The following SKI variants were observed in gnomAD, a reference collection of about 807,000 sequenced individuals.
SKI encodes SKI proto-oncogene.
A neutral mutation model predicts 59.3 loss-of-function variants in SKI; 23 were observed. The ratio of observed to expected loss-of-function variants is 0.39; its 90% CI spans 0.28 to 0.55. SKI has a LOEUF of 0.55. SKI is among the 20% of genes least tolerant of loss of function. SKI has a pLI of 0.67. For synonymous variants in SKI, 673 were observed against 488.6 expected (o/e 1.38, Z -4.98); for missense variants, 1,017 against 1,038.9 (o/e 0.98, Z 0.29).
intron 1 of SKI, among the ~76,000 whole-genome samples, chr1:2,252,843 C>G (rs1183954744): frequency 6.6e-6 from 1 of 152,052 alleles, no homozygotes; most frequent in Non-Finnish European, 1.5e-5. Context: ...GCCTGTAATC[C>G]CAGCACTTTT....
chr1:2,304,987 C>G (rs921913319), intron 5 of SKI, among the ~76,000 whole-genome samples: 3 of 152,220 alleles, frequency 2.0e-5, no homozygotes, highest in Non-Finnish European at 4.4e-5. Flanking sequence ...TCTGTGTGCT[C>G]CAGGAGTGGG....
At chr1:2,232,815 T>C (rs985843005) in intron 1 of SKI, 1 of 152,334 alleles carries the variant, frequency 6.6e-6, no homozygotes, top group Non-Finnish European at 1.5e-5. Context: ...CTACTGTTTA[T>C]TGATCTTGGA....
intron 5 of SKI, 23 bp from the exon 6 acceptor site, chr1:2,305,997 C>T (rs755202604): frequency 9.1e-6 from 14 of 1,543,372 alleles, no homozygotes; most frequent in Admixed American, 5.9e-5. Context: ...GGGCAGTGAC[C>T]CCGAGCCGCC....
intron 6 of SKI, 130 bp downstream of exon 6, chr1:2,306,380 G>GC (rs1053806138): frequency 6.4e-5 from 66 of 1,038,556 alleles, no homozygotes; most frequent in South Asian, 1.2e-4. Flanking sequence ...TTCCGTGCGT[G>GC]CCCCCCCGAC....
rs964333491 is a variant in SKI, at chr1:2,308,897, C to G, written c.*2132C>G. 6.6e-6 allele frequency: 1 copy of G among 152,368 alleles called. No individual in the cohort carries two copies. Among genetic ancestry groups the G allele is most frequent in the African/African-American group, 2.4e-5 (1 of 41,450 alleles). The allele number at this position is 152,368 out of a possible 1,614,324, so 9.4% of individuals were successfully genotyped here. A position where few individuals can be genotyped will look rare whatever the true frequency, so the allele number is the denominator to read the frequency against. On this transcript the variant is annotated 3_prime_UTR_variant, in exon 7 of 7. Transcript: ENST00000378536. ...TCCACGCCTCCACCGCCCCATCTTG[C>G]CCCAAACGGAAAGCGCTGTATCTGC...
chr1:2,291,401 G>A lies in SKI; in HGVS notation c.970-11577G>A, dbSNP rs144534883. 5.4e-4 allele frequency among the ~76,000 whole-genome samples: 82 copies of A among 152,338 alleles called. No homozygotes were observed. In the East Asian group the frequency reaches 5.4e-3, roughly 10 times the overall value. ...CTGAGTGCAGGGCTCAGGCTGGATG[G>A]GGAGGGTGAGAAGAGTGGGGCCAGA... is the stretch of plus-strand genomic sequence containing the variant. On this transcript the variant is annotated intron_variant, in intron 1 of 6. Transcript: ENST00000378536.
chr1:2,245,501 C>T (rs1638972575), intron 1 of SKI, among the ~76,000 whole-genome samples: 1 of 152,204 alleles, frequency 6.6e-6, no homozygotes, highest in Non-Finnish European at 1.5e-5. Flanking sequence ...GAGACAGCAT[C>T]TTGCTCTGTT....
intron 1 of SKI, among the ~76,000 whole-genome samples, chr1:2,247,087 G>T (rs528615732): frequency 6.6e-6 from 1 of 152,334 alleles, no homozygotes; most frequent in South Asian, 2.1e-4. Flanking sequence ...CAGGTGTGGT[G>T]GCATGCACCT....
At position 2,306,597 on chromosome 1, in the gene SKI, G is replaced by A. The variant is rs1217371188; in HGVS notation, c.2019G>A (p.Lys673=). The A allele has an allele frequency of 1.3e-6, 2 of 1,543,646 alleles. No individual in the cohort carries two copies. The highest frequency in any genetic ancestry group is 2.7e-5 in the African/African-American group (2 of 72,756). ...YSAQIEDLQV[K]LQHAEADREQ... ...TTCAGATCGAAGACCTGCAGGTGAA[G>A]CTGCAGCACGCGGAGGCGGACCGGG... Residue 673 remains lysine, a synonymous_variant, in exon 7 of 7, where the codon AAG becomes AAA. Transcript: ENST00000378536.
At chr1:2,232,112 C>T (rs796510541) in intron 1 of SKI, among the ~76,000 whole-genome samples, 8 of 152,352 alleles carry the variant, frequency 5.3e-5, no homozygotes, top group African/African-American at 1.7e-4. Context: ...CACTGGCCGC[C>T]GTTGGCTCCT....
At chr1:2,296,566 T>C (rs1027014757) in intron 1 of SKI, among the ~76,000 whole-genome samples, 1 of 152,142 alleles carries the variant, frequency 6.6e-6, no homozygotes, top group African/African-American at 2.4e-5. Flanking sequence ...ATTTGGAAAT[T>C]GGGTTGTGTT....
intron 1 of SKI, among the ~76,000 whole-genome samples, chr1:2,249,628 C>T (rs1639078363): frequency 1.3e-5 from 2 of 152,312 alleles, no homozygotes; most frequent in South Asian, 4.1e-4. Flanking sequence ...GACTCCCCAC[C>T]TGCTGCTGTT....
intron 1 of SKI, among the ~76,000 whole-genome samples, chr1:2,243,934 G>A (rs1638933079): frequency 6.6e-6 from 1 of 152,062 alleles, no homozygotes; most frequent in Admixed American, 6.6e-5. Context: ...TCCCCTAAAA[G>A]GTGGGATTGT....
At chr1:2,279,458 C>T (rs912308707) in intron 1 of SKI, among the ~76,000 whole-genome samples, 2 of 152,212 alleles carry the variant, frequency 1.3e-5, no homozygotes, top group African/African-American at 2.4e-5. Context: ...CGCCTGTTCC[C>T]GCCCATCCCT....
At chr1:2,254,997 G>A (rs1639243291) in intron 1 of SKI, among the ~76,000 whole-genome samples, 2 of 152,168 alleles carry the variant, frequency 1.3e-5, no homozygotes. Flanking sequence ...GTCCTGTGGT[G>A]CGTGCTGTGG....
intron 6 of SKI, 67 bp downstream of exon 6, chr1:2,306,317 C>T (rs1640576614): frequency 2.2e-6 from 3 of 1,371,754 alleles, no homozygotes; most frequent in East Asian, 2.5e-5. Flanking sequence ...CCCCGGTGGC[C>T]AGTCCTGCCC....
At chr1:2,233,256 G>A (rs1436262766) in intron 1 of SKI, among the ~76,000 whole-genome samples, 1 of 145,444 alleles carries the variant, frequency 6.9e-6, no homozygotes, top group Non-Finnish European at 1.5e-5. Context: ...TGTTCCCAGA[G>A]GTCCGGGATC....
At position 2,229,059 on chromosome 1, in the gene SKI, C is replaced by T. The variant is rs1257955729; in HGVS notation, c.293C>T (p.Thr98Ile). Residue 98 changes from threonine (T) to isoleucine (I), a missense_variant, in exon 1 of 7, where the codon ACC (threonine) becomes ATC (isoleucine). Coordinates refer to ENST00000378536, the MANE Select transcript of SKI (RefSeq NM_003036.4). This position sits in a 1 kb window ranked among gnomAD's most constrained non-coding sequence, Gnocchi z 6.3. Reference sequence around the variant, plus strand: ...TTCTTCATGCCGTCCGACCGCTCCACCGAGCGCTGCGAGACCGTACTGGAA... The same window carrying T: ...TTCTTCATGCCGTCCGACCGCTCCATCGAGCGCTGCGAGACCGTACTGGAA... ...GPFFMPSDRS[T>I]ERCETVLEGE... 1.9e-6 allele frequency: 3 copies of T among 1,606,306 alleles called. No homozygotes were observed. Among genetic ancestry groups the T allele is most frequent in the African/African-American group, 1.3e-5 (1 of 74,896 alleles).
At chr1:2,291,854 G>A (rs1339710134) in intron 1 of SKI, among the ~76,000 whole-genome samples, 3 of 152,244 alleles carry the variant, frequency 2.0e-5, no homozygotes, top group Admixed American at 1.3e-4. Flanking sequence ...TTAAGCGAAA[G>A]AAAAATCCGA....
Sources: gnomAD v4.1 joint callset for allele counts (sites outside exome capture counted in the v4.1 genomes callset) on GRCh38, gnomAD v4.1.1 for gene constraint, Gnocchi (gnomAD v3.1) non-coding constraint, MANE v1.5 for transcripts, NCBI Gene and HGNC (gene_info 2026-07-23, HGNC 2026-07-21) for gene names.